The following PUS7 variants were observed in gnomAD, a reference collection of about 807,000 sequenced individuals.
PUS7 encodes the protein pseudouridylate synthase 7 homolog.
A neutral mutation model predicts 79.8 loss-of-function variants in PUS7; 48 were observed. The observed-to-expected ratio is 0.60, with a 90% CI of 0.48 to 0.76. The LOEUF is 0.76. PUS7 is among the 30% of genes least tolerant of loss of function. The pLI is 0.00. For missense variants in PUS7, 729 were observed against 797.6 expected (o/e 0.91, Z 1.04); for synonymous variants, 286 against 272.2 (o/e 1.05, Z -0.50).
rs1825294986 is a variant in PUS7, at chr7:105,502,491, G to A, written c.659C>T (p.Thr220Ile). Reference sequence around the variant, plus strand: ...CTTCCCCTCCCTATCCTCTGTTTTTGTCTCTAATCCTGGAAACAGAGATTT... The same window carrying A: ...CTTCCCCTCCCTATCCTCTGTTTTTATCTCTAATCCTGGAAACAGAGATTT... ...AIKSLFPGLETKTEDREGKKY... is the reference protein window; with the variant it reads ...AIKSLFPGLEIKTEDREGKKY... Residue 220 changes from threonine (T) to isoleucine (I), a missense_variant, in exon 5 of 16, where the codon ACA becomes ATA. Physicochemically the swap from Thr to Ile is moderately conservative, Grantham distance 89 (BLOSUM62 -1). Transcript: ENST00000469408. 1.2e-6 allele frequency: 2 copies of A among 1,613,670 alleles called. No individual in the cohort carries two copies. The highest frequency in any genetic ancestry group is 8.5e-7 in the Non-Finnish European group (1 of 1,179,890).
intron 5 of PUS7, chr7:105,497,082 G>T: frequency 1.4e-6 from 1 of 731,904 alleles, no homozygotes; most frequent in Non-Finnish European, 1.8e-6. Context: ...TTACACTGAG[G>T]ACTTCTACAG....
chr7:105,467,302 T>C (rs960697986), intron 12 of PUS7, among the ~76,000 whole-genome samples: 4 of 151,422 alleles, frequency 2.6e-5, no homozygotes, highest in Admixed American at 2.0e-4. Flanking sequence ...TTCTTTTTTT[T>C]TTTTTTTGAG....
At chr7:105,463,158 G>A (rs1260448803) in intron 13 of PUS7, among the ~76,000 whole-genome samples, 1 of 152,136 alleles carries the variant, frequency 6.6e-6, no homozygotes, top group Non-Finnish European at 1.5e-5. Flanking sequence ...AAGAGACCTT[G>A]GAAAACCATC....
chr7:105,512,326 G>A (rs1328965712), intron 1 of PUS7, among the ~76,000 whole-genome samples: 2 of 152,048 alleles, frequency 1.3e-5, no homozygotes, highest in Non-Finnish European at 2.9e-5. Flanking sequence ...AAAAAAGAAC[G>A]CTGGTTTATG....
chr7:105,477,499 C>G (rs774522349), intron 9 of PUS7, among the ~76,000 whole-genome samples: 24 of 152,136 alleles, frequency 1.6e-4, no homozygotes, highest in Admixed American at 8.5e-4. Context: ...ATCCGCCACC[C>G]ACCTCGGCCT....
At chr7:105,460,586 G>A (rs1823380296) in intron 14 of PUS7, among the ~76,000 whole-genome samples, 2 of 152,006 alleles carry the variant, frequency 1.3e-5, no homozygotes, top group African/African-American at 4.8e-5. Flanking sequence ...CGGGCGCGGT[G>A]GCTCACGCCT....
In PUS7 at chr7:105,479,625, G is replaced by A. The variant is rs557138535; in HGVS notation, c.1175+1427C>T. ...TCCCACTGTAGGTTACCCTAGAGGG[G>A]TTCTTAATTGTTTAAAAGTAAATGA... On this transcript the variant is annotated intron_variant, in intron 9 of 15. Transcript: ENST00000469408. Among the ~76,000 whole-genome samples, 25 of 152,296 alleles carry A rather than the reference G, an allele frequency of 1.6e-4. No individual in the cohort carries two copies. The East Asian group carries it at 3.7e-3, about 22-fold the overall frequency.
At position 105,462,767 on chromosome 7, in the gene PUS7, A is replaced by G. The variant is rs761979100; in HGVS notation, c.1628-17T>C. 3 of 1,600,954 alleles carry G rather than the reference A, an allele frequency of 1.9e-6. No homozygotes were observed. The South Asian group carries it at 3.4e-5, about 18-fold the overall frequency. ...CTTCTTGAACTAATATAAAATACAA[A>G]AAGTTAGTTGAAATGCAGCTTGTCA... On this transcript the variant is annotated splice_polypyrimidine_tract_variant and intron_variant, in intron 13 of 15. Coordinates refer to ENST00000469408, the MANE Select transcript of PUS7 (RefSeq NM_019042.5).
At position 105,519,442 on chromosome 7, in the gene PUS7, G is replaced by A. The variant is rs550878576; in HGVS notation, c.-33+2610C>T. ...TTTAGTAGAGAGGGGGTTTCGCCATGTTGGCCAGGATGGTCTCAAACTACT... is the reference window on the plus strand; with the variant it reads ...TTTAGTAGAGAGGGGGTTTCGCCATATTGGCCAGGATGGTCTCAAACTACT... On this transcript the variant is annotated intron_variant, in intron 1 of 15. Coordinates refer to ENST00000469408, the MANE Select transcript of PUS7 (RefSeq NM_019042.5). Among the ~76,000 whole-genome samples, 36 of 152,208 alleles carry A rather than the reference G, an allele frequency of 2.4e-4. No individual in the cohort carries two copies. In the South Asian group the frequency reaches 5.6e-3, roughly 24 times the overall value.
In PUS7 at chr7:105,456,836, G is replaced by A. The variant is rs1417942727; in HGVS notation, c.*954C>T. 6.6e-6 allele frequency: 1 copy of A among 151,924 alleles called. No homozygotes were observed. Among genetic ancestry groups the A allele is most frequent in the Non-Finnish European group, 1.5e-5 (1 of 68,004 alleles). 9.4% of individuals were successfully genotyped at this position (151,924 alleles called of 1,614,324 possible). On this transcript the variant is annotated 3_prime_UTR_variant, in exon 16 of 16. Transcript: ENST00000469408. ...GTTCTGAACATAAAAGGCACCTAGA[G>A]TAAAAATTAGACCTTAACTAATAAA...
intron 1 of PUS7, among the ~76,000 whole-genome samples, chr7:105,519,751 A>C (rs1424668045): frequency 6.6e-6 from 1 of 152,214 alleles, no homozygotes; most frequent in Non-Finnish European, 1.5e-5. Flanking sequence ...TGCGAGCTCC[A>C]AAGAATTAAA....
At chr7:105,508,741 C>T (rs573719787) in intron 1 of PUS7, among the ~76,000 whole-genome samples, 197 bp from the exon 2 acceptor site, 51 of 150,822 alleles carry the variant, frequency 3.4e-4, no homozygotes, top group African/African-American at 1.2e-3. Context: ...GCGTGGGTGG[C>T]AGGCGCCTAT....
chr7:105,460,647 G>T (rs1823383545), intron 14 of PUS7, among the ~76,000 whole-genome samples: 1 of 151,702 alleles, frequency 6.6e-6, no homozygotes, highest in African/African-American at 2.4e-5. Flanking sequence ...GAGGTCAGGA[G>T]ATCGAGACCA....
At chr7:105,503,523 AT>A (rs1825336686) in intron 4 of PUS7, among the ~76,000 whole-genome samples, 1 of 152,222 alleles carries the variant, frequency 6.6e-6, no homozygotes, top group South Asian at 2.1e-4. Context: ...TCTTTACTCA[AT>A]ACAACCACAA....
chr7:105,465,341 A>T lies in PUS7; in HGVS notation c.1599T>A (p.Gly533=). 6.2e-7 allele frequency: 1 copy of T among 1,613,264 alleles called. No homozygotes were observed. The highest frequency in any genetic ancestry group is 1.1e-5 in the South Asian group (1 of 91,042). Residue 533 remains glycine (G), a synonymous_variant, in exon 13 of 16, where the codon GGT becomes GGA. Transcript: ENST00000469408. ...SIHDVVMPLP[G]FDVIYPKHKI... The stretch of plus-strand genomic sequence containing the variant: ...TATGCTTTGGGTAGATAACATCGAA[A>T]CCAGGCAAGGGCATTACCACATCAT...
At chr7:105,462,779 A>C in intron 13 of PUS7, 29 bp from the exon 14 acceptor site, 1 of 1,596,790 alleles carries the variant, frequency 6.3e-7, no homozygotes, top group East Asian at 2.2e-5. Flanking sequence ...AGTTAGTTGA[A>C]ATGCAGCTTG....
intron 1 of PUS7, among the ~76,000 whole-genome samples, chr7:105,516,453 T>TC (rs1420180536): frequency 6.6e-6 from 1 of 151,948 alleles, no homozygotes. Flanking sequence ...TGGAATTTTT[T>TC]TTTTTTTGAG....
chr7:105,477,607 T>C (rs73415583), intron 9 of PUS7, among the ~76,000 whole-genome samples: 3,018 of 152,214 alleles, frequency 0.02, 102 homozygotes, highest in African/African-American at 0.068. Context: ...ACATAACATA[T>C]AATTCACCCA....
chr7:105,463,631 T>A (rs539896667), intron 13 of PUS7, among the ~76,000 whole-genome samples: 155 of 131,504 alleles, frequency 1.2e-3, no homozygotes, highest in Non-Finnish European at 1.9e-3. Context: ...TCCTATTAAA[T>A]ACCTTCTGCA....
Sources: gnomAD v4.1 joint callset for allele counts (sites outside exome capture counted in the v4.1 genomes callset) on GRCh38, gnomAD v4.1.1 for gene constraint, MANE v1.5 for transcripts, NCBI Gene and HGNC (gene_info 2026-07-23, HGNC 2026-07-21) for gene names.